Variants in PCDH9 observed in about 807,000 individuals in gnomAD.
The protein encoded by PCDH9 is protocadherin-9.
A neutral mutation model predicts 70.6 loss-of-function variants in PCDH9; 24 were observed. The ratio of observed to expected loss-of-function variants is 0.34; its 90% CI spans 0.25 to 0.48. The LOEUF (loss-of-function observed/expected upper bound fraction) is 0.48. PCDH9 is among the 20% of genes least tolerant of loss of function. The probability of loss-of-function intolerance (pLI) is 0.99; values close to 1 mark genes in which losing one functional copy is unlikely to be tolerated. For synonymous variants in PCDH9, 562 were observed against 558.5 expected, an observed-to-expected ratio of 1.01 and a Z score of -0.09; for missense variants, 1,281 against 1,503.6, an observed-to-expected ratio of 0.85 and a Z score of 2.45.
intron 4 of PCDH9, among the ~76,000 whole-genome samples, chr13:66,525,926 G>A (rs918752941): frequency 1.3e-5 from 2 of 152,054 alleles, no homozygotes; most frequent in Non-Finnish European, 2.9e-5. Flanking sequence ...CTCTTAAGTA[G>A]TGTTTAAATC....
At chr13:66,913,708 A>ATT (rs2082510100) in intron 2 of PCDH9, among the ~76,000 whole-genome samples, 1 of 152,074 alleles carries the variant, frequency 6.6e-6, no homozygotes, top group Non-Finnish European at 1.5e-5. Context: ...CTCTAACTTT[A>ATT]GACTTCTATA....
chr13:67,075,076 AC>A (rs2085851835), intron 2 of PCDH9, among the ~76,000 whole-genome samples: 1 of 150,724 alleles, frequency 6.6e-6, no homozygotes. Flanking sequence ...TGTGATAGTG[AC>A]AAAAAAAAAA....
intron 3 of PCDH9, among the ~76,000 whole-genome samples, chr13:66,887,435 A>T (rs540097611): frequency 6.6e-6 from 1 of 152,302 alleles, no homozygotes; most frequent in East Asian, 1.9e-4. Flanking sequence ...TTTAACAAAC[A>T]AAGTAGGAAA....
chr13:66,548,394 G>A (rs1373902592), intron 4 of PCDH9, among the ~76,000 whole-genome samples: 1 of 151,852 alleles, frequency 6.6e-6, no homozygotes, highest in African/African-American at 2.4e-5. Flanking sequence ...GTGACACCCT[G>A]TGTCCACTAA....
In PCDH9 at chr13:67,150,028, T is replaced by C. The variant is rs112089346; in HGVS notation, c.3036+75377A>G. On this transcript the variant is annotated intron_variant, in intron 2 of 4. Coordinates refer to ENST00000377865, the MANE Select transcript of PCDH9 (RefSeq NM_203487.3). ...CAGTTTATATTTTAATAATAAAACA[T>C]AATTTGAGTTTTATTTATTTTATTT... Among the ~76,000 whole-genome samples, 116 of 152,216 alleles carry C rather than the reference T, an allele frequency of 7.6e-4. 1 individual carries two copies. Among genetic ancestry groups the C allele is most frequent in the African/African-American group, 2.4e-3 (101 of 41,546 alleles).
At chr13:66,944,850 T>TGTGTGC (rs1199143996) in intron 2 of PCDH9, among the ~76,000 whole-genome samples, 1 of 151,428 alleles carries the variant, frequency 6.6e-6, no homozygotes, top group Non-Finnish European at 1.5e-5. Flanking sequence ...TGTGTGTGTG[T>TGTGTGC]GTGTGTGATT....
chr13:66,555,476 A>C (rs1961692955), intron 4 of PCDH9, among the ~76,000 whole-genome samples: 1 of 150,474 alleles, frequency 6.6e-6, no homozygotes, highest in South Asian at 2.1e-4. Flanking sequence ...TTACTGGCCT[A>C]CTTCAGATTT....
intron 4 of PCDH9, among the ~76,000 whole-genome samples, chr13:66,501,418 T>C (rs1372483844): frequency 6.6e-6 from 1 of 152,130 alleles, no homozygotes; most frequent in African/African-American, 2.4e-5. Context: ...TCCTGTGTCA[T>C]AAAGAATTTC....
chr13:67,223,531 A>G (rs1181113740), intron 2 of PCDH9: 1 of 152,158 alleles, frequency 6.6e-6, no homozygotes, highest in Non-Finnish European at 1.5e-5. Flanking sequence ...ACAGAAGTAA[A>G]TAATTTAAAA....
At chr13:67,081,117 C>T (rs2085974172) in intron 2 of PCDH9, among the ~76,000 whole-genome samples, 1 of 151,898 alleles carries the variant, frequency 6.6e-6, no homozygotes, top group Non-Finnish European at 1.5e-5. Flanking sequence ...TTTATGGATT[C>T]AATGTTGTTC....
chr13:66,715,300 C>T (rs7986330), intron 3 of PCDH9, among the ~76,000 whole-genome samples: 7 of 152,060 alleles, frequency 4.6e-5, no homozygotes, highest in African/African-American at 1.2e-4. Flanking sequence ...TCTTTCAATT[C>T]TAAATGTTAA....
intron 4 of PCDH9, among the ~76,000 whole-genome samples, chr13:66,483,423 A>G (rs1462014141): frequency 2.0e-5 from 3 of 152,170 alleles, no homozygotes; most frequent in Non-Finnish European, 2.9e-5. Context: ...CCAATACAAC[A>G]ATGTCCTGAA....
At chr13:66,466,614 C>A (rs1006511126) in intron 4 of PCDH9, among the ~76,000 whole-genome samples, 1 of 152,180 alleles carries the variant, frequency 6.6e-6, no homozygotes, top group East Asian at 1.9e-4. Context: ...AGGCAGGCAT[C>A]ACTGCTCATG....
chr13:66,433,604 G>C (rs543317287), intron 4 of PCDH9, among the ~76,000 whole-genome samples: 34 of 151,468 alleles, frequency 2.2e-4, no homozygotes, highest in Middle Eastern at 6.8e-3. Context: ...TATTTTAATT[G>C]ATTTATAGTA....
At chr13:66,629,967 T>C (rs1178217961) in intron 4 of PCDH9, among the ~76,000 whole-genome samples, 4 of 152,154 alleles carry the variant, frequency 2.6e-5, no homozygotes, top group Non-Finnish European at 4.4e-5. Flanking sequence ...AGCCCTGTTG[T>C]ATGTTTTACC....
intron 4 of PCDH9, among the ~76,000 whole-genome samples, chr13:66,355,965 G>T (rs534481023): frequency 6.6e-6 from 1 of 151,960 alleles, no homozygotes; most frequent in Admixed American, 6.6e-5. Context: ...TACCCCAAAT[G>T]ACTCTCAAGC....
chr13:66,985,961 G>T (rs972411259), intron 2 of PCDH9, among the ~76,000 whole-genome samples: 5 of 151,914 alleles, frequency 3.3e-5, no homozygotes, highest in African/African-American at 1.2e-4. Context: ...CTTTATAAAT[G>T]AATACATTGT....
intron 2 of PCDH9, chr13:67,203,630 T>C (rs1031346498): frequency 6.6e-6 from 1 of 152,082 alleles, no homozygotes; most frequent in Non-Finnish European, 1.5e-5. Context: ...TTTAAACACA[T>C]TTTGTGGTTA....
At chr13:66,932,897 T>A (rs2082840474) in intron 2 of PCDH9, among the ~76,000 whole-genome samples, 1 of 151,078 alleles carries the variant, frequency 6.6e-6, no homozygotes, top group African/African-American at 2.4e-5. Context: ...AGCCAGTTGT[T>A]TAGAAAATAT....
Sources: gnomAD v4.1 joint callset for allele counts (sites outside exome capture counted in the v4.1 genomes callset) on GRCh38, gnomAD v4.1.1 for gene constraint, MANE v1.5 for transcripts, NCBI Gene and HGNC (gene_info 2026-07-23, HGNC 2026-07-21) for gene names.